The following MYO16 variants were observed in gnomAD, a reference collection of about 807,000 sequenced individuals.
MYO16 encodes the protein unconventional myosin-XVI.
A neutral mutation model predicts 205.3 loss-of-function variants in MYO16; 94 were observed. The ratio of observed to expected loss-of-function variants is 0.46; its 90% CI spans 0.39 to 0.54. MYO16 has a LOEUF of 0.54. Among genes scored for constraint, MYO16 ranks in the 20% least tolerant of loss-of-function variants. The pLI, the probability that MYO16 is intolerant of heterozygous loss-of-function variation, is 0.00. For missense variants in MYO16, 2,315 were observed against 2,387.5 expected, an observed-to-expected ratio of 0.97 and a Z score of 0.63; for synonymous variants, 988 against 954.0, an observed-to-expected ratio of 1.04 and a Z score of -0.66.
intron 12 of MYO16, among the ~76,000 whole-genome samples, chr13:108,874,497 C>T (rs556125130): frequency 6.6e-6 from 1 of 152,128 alleles, no homozygotes; most frequent in Admixed American, 6.5e-5. Context: ...AAAAGGCAAG[C>T]AAATCAGTAT....
the MYO16 span, among the ~76,000 whole-genome samples, chr13:108,538,787 A>C: frequency 6.6e-6 from 1 of 152,062 alleles, no homozygotes; most frequent in African/African-American, 2.4e-5. Context: ...CTTTTTGTGG[A>C]ATGAACAAAA....
intron 32 of MYO16, among the ~76,000 whole-genome samples, chr13:109,157,949 G>T (rs1324464585): frequency 6.6e-6 from 1 of 152,138 alleles, no homozygotes; most frequent in African/African-American, 2.4e-5. Flanking sequence ...TCAATGGATT[G>T]TTTCTTTCGG....
chr13:108,547,265 C>G, the MYO16 span, among the ~76,000 whole-genome samples: 1 of 143,472 alleles, frequency 7.0e-6, no homozygotes, highest in African/African-American at 2.7e-5. Flanking sequence ...GAGCAAGACT[C>G]TGTCTCAAAA....
chr13:108,552,758 A>G, the MYO16 span, among the ~76,000 whole-genome samples: 7 of 152,158 alleles, frequency 4.6e-5, no homozygotes, highest in African/African-American at 1.7e-4. Flanking sequence ...AATACCTGAG[A>G]CTGGGTACTC....
At chr13:108,583,986 C>G in the MYO16 span, among the ~76,000 whole-genome samples, 13 of 152,164 alleles carry the variant, frequency 8.5e-5, no homozygotes, top group Admixed American at 8.5e-4. Context: ...CGGAGTCTCG[C>G]TCTGTCACCC....
chr13:109,030,744 T>A (rs982623613), intron 23 of MYO16, among the ~76,000 whole-genome samples: 1 of 152,120 alleles, frequency 6.6e-6, no homozygotes, highest in Non-Finnish European at 1.5e-5. Flanking sequence ...TAGTATAGCA[T>A]CTTAAATTCA....
At chr13:109,128,772 T>C (rs1471982448) in intron 31 of MYO16, among the ~76,000 whole-genome samples, 2 of 145,468 alleles carry the variant, frequency 1.4e-5, no homozygotes, top group Non-Finnish European at 3.0e-5. Context: ...TTTTTAGTTT[T>C]TTTTTTTTTT....
intron 4 of MYO16, among the ~76,000 whole-genome samples, chr13:108,767,589 A>G (rs1021850193): frequency 2.6e-5 from 4 of 152,114 alleles, no homozygotes; most frequent in African/African-American, 9.7e-5. Flanking sequence ...ACCATTTGCA[A>G]GCATTTCTTG....
intron 23 of MYO16, among the ~76,000 whole-genome samples, chr13:109,023,548 ATATT>A (rs1379058392): frequency 1.1e-4 from 13 of 123,202 alleles, no homozygotes; most frequent in Non-Finnish European, 1.4e-4. Context: ...ATATAGGTAT[ATATT>A]TATTATATAT....
chr13:109,087,515 G>T (rs538489572), intron 27 of MYO16, among the ~76,000 whole-genome samples: 1 of 152,016 alleles, frequency 6.6e-6, no homozygotes, highest in Non-Finnish European at 1.5e-5. Context: ...GCGTAGTGGC[G>T]GGTGCCTGTA....
chr13:108,751,952 A>G (rs1885251281), intron 4 of MYO16, among the ~76,000 whole-genome samples: 1 of 152,186 alleles, frequency 6.6e-6, no homozygotes, highest in African/African-American at 2.4e-5. Flanking sequence ...AGATCCTGGG[A>G]CAGATATAAG....
chr13:108,639,769 G>A (rs930893399), intron 1 of MYO16, among the ~76,000 whole-genome samples: 1 of 152,228 alleles, frequency 6.6e-6, no homozygotes, highest in African/African-American at 2.4e-5. Context: ...TGACCCACAT[G>A]GGTGAAGAGT....
intron 5 of MYO16, among the ~76,000 whole-genome samples, chr13:108,788,398 G>C (rs1429802902): frequency 6.6e-6 from 1 of 152,114 alleles, no homozygotes; most frequent in Non-Finnish European, 1.5e-5. Flanking sequence ...AGGAGAACCA[G>C]CTGGCATGCA....
intron 1 of MYO16, among the ~76,000 whole-genome samples, chr13:108,631,029 A>G (rs564903238): frequency 6.6e-6 from 1 of 152,344 alleles, no homozygotes; most frequent in African/African-American, 2.4e-5. Context: ...ACTAATAAGA[A>G]TTAGAGGCAT....
At chr13:108,945,053 T>C (rs1882882958) in intron 16 of MYO16, among the ~76,000 whole-genome samples, 1 of 152,210 alleles carries the variant, frequency 6.6e-6, no homozygotes, top group African/African-American at 2.4e-5. Flanking sequence ...AATCCATCTT[T>C]TGTAAAACAG....
At chr13:109,168,923 G>A (rs1008542782) in intron 33 of MYO16, among the ~76,000 whole-genome samples, 4 of 152,116 alleles carry the variant, frequency 2.6e-5, no homozygotes, top group Non-Finnish European at 5.9e-5. Flanking sequence ...TGGCTGTATG[G>A]CATCGTGGCC....
At chr13:108,746,544 A>T (rs1397630325) in intron 4 of MYO16, among the ~76,000 whole-genome samples, 3 of 140,426 alleles carry the variant, frequency 2.1e-5, no homozygotes, top group African/African-American at 4.9e-5. Flanking sequence ...TTTCTAGCAT[A>T]AAGAAAAGGC....
chr13:108,585,813 A>C, the MYO16 span, among the ~76,000 whole-genome samples: 1 of 152,234 alleles, frequency 6.6e-6, no homozygotes, highest in South Asian at 2.1e-4. Flanking sequence ...TTAGGTAGGA[A>C]TTTGGGCAAG....
intron 1 of MYO16, among the ~76,000 whole-genome samples, chr13:108,630,394 C>T (rs887576803): frequency 6.6e-6 from 1 of 152,160 alleles, no homozygotes; most frequent in African/African-American, 2.4e-5. Context: ...CTTAGGGACT[C>T]CAGGGACTCT....
Sources: allele counts gnomAD v4.1 joint callset (sites outside exome capture counted in the v4.1 genomes callset), GRCh38; gene constraint gnomAD v4.1.1; transcripts MANE v1.5; gene names NCBI Gene and HGNC (gene_info 2026-07-23, HGNC 2026-07-21).